The following SARDH variants were observed in gnomAD, a reference collection of about 807,000 sequenced individuals.
The protein encoded by SARDH is sarcosine dehydrogenase, mitochondrial.
A neutral mutation model predicts 109.1 loss-of-function variants in SARDH; 95 were observed. The observed-to-expected ratio is 0.87, with a 90% CI of 0.74 to 1.03. SARDH has a LOEUF of 1.03. Ranked by LOEUF, SARDH falls within the 50% of genes least tolerant of loss-of-function variation. SARDH has a pLI of 0.00. For synonymous variants in SARDH, 572 were observed against 534.8 expected (o/e 1.07, Z -0.96); for missense variants, 1,267 against 1,287.8 (o/e 0.98, Z 0.25).
chr9:133,722,368 G>C (rs1832354160), intron 6 of SARDH, among the ~76,000 whole-genome samples: 1 of 151,858 alleles, frequency 6.6e-6, no homozygotes, highest in Non-Finnish European at 1.5e-5. Context: ...TCCTCAAAGT[G>C]CTGAAGGGTA....
downstream of SARDH, among the ~76,000 whole-genome samples, chr9:133,659,550 G>A (rs1012392444): frequency 1.3e-5 from 2 of 152,214 alleles, no homozygotes; most frequent in South Asian, 2.1e-4. Flanking sequence ...AGTAACAGAT[G>A]CACTTGTGTT....
chr9:133,714,911 G>A (rs1034430884), intron 8 of SARDH, among the ~76,000 whole-genome samples: 8 of 152,196 alleles, frequency 5.3e-5, no homozygotes, highest in Non-Finnish European at 1.2e-4. Context: ...GGGAATCTGC[G>A]GGGAGCGCTA....
chr9:133,666,634 C>T lies in SARDH; in HGVS notation c.2631+101G>A. On this transcript the variant is annotated intron_variant, in intron 20 of 20. Transcript: ENST00000439388. This position sits in a 1 kb window ranked among gnomAD's most constrained non-coding sequence, Gnocchi z 5.2. ...CCTCTTCTGGACCACACCCGTGCCT[C>T]CTCCCTATGCCCGGCACACTCAGGG... is the stretch of plus-strand genomic sequence containing the variant. 1.4e-6 allele frequency: 2 copies of T among 1,474,748 alleles called. No homozygotes were observed. The highest frequency in any genetic ancestry group is 1.7e-4 in the Middle Eastern group (1 of 5,746). The allele number at this position is 1,474,748 out of a possible 1,614,324, so 91.4% of individuals were successfully genotyped here.
chr9:133,670,267 T>C (rs1209537989), intron 19 of SARDH, among the ~76,000 whole-genome samples: 2 of 149,596 alleles, frequency 1.3e-5, no homozygotes, highest in African/African-American at 5.0e-5. Flanking sequence ...AGGCGGAGGT[T>C]GCAGTGAGCC....
chr9:133,729,851 C>T lies in SARDH; in HGVS notation c.829G>A (p.Ala277Thr). The change falls in exon 6 of 21, where the codon GCT (alanine) becomes ACT (threonine). Residue 277 changes from alanine to threonine, a missense_variant. Physicochemically the swap from Ala to Thr is moderately conservative, Grantham distance 58 (BLOSUM62 0). Transcript: ENST00000439388. ...TTGACTCCAGCCATCCGGCCCACAG[C>T]ACTTGCCCACACTCCTGCGGGCAGA... Reference protein sequence around the residue: ...VVNCAGVWASAVGRMAGVKVP... With the variant: ...VVNCAGVWASTVGRMAGVKVP... The T allele has an allele frequency of 6.2e-7, 1 of 1,611,836 alleles. No individual in the cohort carries two copies. The highest frequency in any genetic ancestry group is 1.1e-5 in the South Asian group (1 of 91,078).
chr9:133,663,385 C>T (rs1829948300), downstream of SARDH, among the ~76,000 whole-genome samples: 3 of 152,256 alleles, frequency 2.0e-5, no homozygotes, highest in Admixed American at 2.0e-4. Context: ...AGGCACCATC[C>T]TGAAGAATGG....
At chr9:133,670,517 G>A in intron 19 of SARDH, 67 bp downstream of exon 19, 5 of 1,508,316 alleles carry the variant, frequency 3.3e-6, no homozygotes, top group Non-Finnish European at 4.5e-6. Context: ...GGGGGACCAA[G>A]AAGCGCCTGC....
chr9:133,670,458 GA>G, intron 19 of SARDH, 125 bp downstream of exon 19: 1 of 1,082,896 alleles, frequency 9.2e-7, no homozygotes, highest in Non-Finnish European at 1.3e-6. Flanking sequence ...GTGCGTTCTG[GA>G]AGAGCATGGC....
chr9:133,707,505 C>G (rs1019315523), intron 11 of SARDH, among the ~76,000 whole-genome samples: 1 of 152,184 alleles, frequency 6.6e-6, no homozygotes, highest in African/African-American at 2.4e-5. Flanking sequence ...CAGGATCTCT[C>G]TTGGGGCCAG....
In SARDH at chr9:133,694,365, G is replaced by A; in HGVS notation, c.1814C>T (p.Thr605Ile). ...GTGGTTGAGCATGCACGTGTACACG[G>A]TGGAGCCTGCGAGAGGGAGAAGGAA... is the stretch of plus-strand genomic sequence containing the variant. ...SADVSRPPGS[T>I]VYTCMLNHRG... The change falls in exon 15 of 21, where the codon ACC (threonine) becomes ATC (isoleucine). Residue 605 changes from threonine to isoleucine, a missense_variant. Coordinates refer to ENST00000439388, the MANE Select transcript of SARDH (RefSeq NM_001134707.2). 1.3e-6 allele frequency: 2 copies of A among 1,550,538 alleles called. No homozygotes were observed. Among genetic ancestry groups the A allele is most frequent in the South Asian group, 2.4e-5 (2 of 84,048 alleles).
intron 4 of SARDH, among the ~76,000 whole-genome samples, chr9:133,730,904 G>C (rs1832657769): frequency 1.3e-5 from 2 of 152,170 alleles, no homozygotes; most frequent in Admixed American, 1.3e-4. Context: ...ATGAACCCGG[G>C]AGGCAGAGCT....
intron 11 of SARDH, 27 bp from the exon 12 acceptor site, chr9:133,705,058 T>C (rs755504510): frequency 6.4e-7 from 1 of 1,565,276 alleles, no homozygotes; most frequent in Non-Finnish European, 8.7e-7. Context: ...AACAGGCATC[T>C]GTCACGCATG....
chr9:133,707,696 C>A (rs936508218), intron 11 of SARDH, among the ~76,000 whole-genome samples: 11 of 152,132 alleles, frequency 7.2e-5, no homozygotes, highest in Admixed American at 5.9e-4. Context: ...AAGCGTCCAG[C>A]ACGAGATGGC....
rs972734706 is a variant in SARDH, at chr9:133,732,675, G to A, written c.332-74C>T. 13 of 1,409,738 alleles carry A rather than the reference G, an allele frequency of 9.2e-6. No homozygotes were observed. The African/African-American group carries it at 1.4e-4, about 16-fold the overall frequency. 87.3% of individuals were successfully genotyped at this position (1,409,738 alleles called of 1,614,324 possible). On this transcript the variant is annotated intron_variant, in intron 2 of 20. Coordinates refer to ENST00000439388, the MANE Select transcript of SARDH (RefSeq NM_001134707.2). Reference sequence around the variant, plus strand: ...TCCTTCCCCCAGACGAATATCAGGGGATACCCTGATATTCAACCATGGGTG... The same window carrying A: ...TCCTTCCCCCAGACGAATATCAGGGAATACCCTGATATTCAACCATGGGTG...
At chr9:133,698,127 T>C (rs1438099252) in intron 13 of SARDH, among the ~76,000 whole-genome samples, 2 of 152,006 alleles carry the variant, frequency 1.3e-5, no homozygotes, top group East Asian at 3.8e-4. Context: ...TATTTCTATA[T>C]TAGCAATGAA....
chr9:133,701,147 C>A (rs1466609244), intron 13 of SARDH, among the ~76,000 whole-genome samples: 1 of 152,256 alleles, frequency 6.6e-6, no homozygotes, highest in Non-Finnish European at 1.5e-5. Flanking sequence ...AGGCAGATCC[C>A]TGCCCAGCTC....
intron 17 of SARDH, among the ~76,000 whole-genome samples, chr9:133,675,433 C>T (rs907072525): frequency 6.6e-6 from 1 of 152,136 alleles, no homozygotes; most frequent in African/African-American, 2.4e-5. Flanking sequence ...GGAAAAGATG[C>T]TCCACGTCAC....
intron 19 of SARDH, among the ~76,000 whole-genome samples, chr9:133,668,296 TC>T (rs1830148835): frequency 1.0e-5 from 1 of 99,950 alleles, no homozygotes; most frequent in African/African-American, 4.1e-5. Flanking sequence ...TCCCTCTCCC[TC>T]CCTCTCCCTC....
chr9:133,731,293 G>T lies in SARDH; in HGVS notation c.690+12C>A, dbSNP rs368224409. 25 of 1,613,462 alleles carry T rather than the reference G, an allele frequency of 1.5e-5. No individual in the cohort carries two copies. Among genetic ancestry groups the T allele is most frequent in the Non-Finnish European group, 2.1e-5 (25 of 1,179,676 alleles). ...GGGAACAGGGGACCCAGAGCCAGGC[G>T]GCCATCAGTACCTGTGCTCCTCGGG... is the stretch of plus-strand genomic sequence containing the variant. On this transcript the variant is annotated intron_variant, in intron 4 of 20. Transcript: ENST00000439388.
Sources: allele counts gnomAD v4.1 joint callset (sites outside exome capture counted in the v4.1 genomes callset), GRCh38; gene constraint gnomAD v4.1.1; non-coding constraint Gnocchi (gnomAD v3.1); transcripts MANE v1.5; gene names NCBI Gene and HGNC (gene_info 2026-07-23, HGNC 2026-07-21).